Variants in PMEPA1 observed in about 807,000 individuals in gnomAD.
The protein encoded by PMEPA1 is prostate transmembrane protein, androgen induced 1, also known as protein TMEPAI.
In PMEPA1, 11 loss-of-function variants were observed where a neutral mutation model predicts 23.0. The ratio of observed to expected loss-of-function variants is 0.48; its 90% CI spans 0.30 to 0.79. The LOEUF (loss-of-function observed/expected upper bound fraction) is 0.79, where lower values mean the gene tolerates loss of function less well. Among genes scored for constraint, PMEPA1 ranks in the 30% least tolerant of loss-of-function variants. The probability of loss-of-function intolerance (pLI) is 0.06; values close to 1 mark genes in which losing one functional copy is unlikely to be tolerated. For missense variants in PMEPA1, 377 were observed against 390.9 expected, an observed-to-expected ratio of 0.96 and a Z score of 0.30; for synonymous variants, 204 against 166.4, an observed-to-expected ratio of 1.23 and a Z score of -1.74.
At chr20:57,701,046 A>G (rs1427897529) in intron 1 of PMEPA1, among the ~76,000 whole-genome samples, 2 of 151,918 alleles carry the variant, frequency 1.3e-5, no homozygotes, top group Admixed American at 1.3e-4. Context: ...AAAGAAAAGA[A>G]AAGAAAAAAG....
chr20:57,707,362 T>C (rs551781268), intron 1 of PMEPA1, among the ~76,000 whole-genome samples: 1 of 152,348 alleles, frequency 6.6e-6, no homozygotes, highest in East Asian at 1.9e-4. Context: ...TATACCTGCA[T>C]TTTAAAGACT....
chr20:57,662,515 G>A (rs530441405), intron 1 of PMEPA1, among the ~76,000 whole-genome samples: 63 of 152,300 alleles, frequency 4.1e-4, no homozygotes, highest in African/African-American at 1.3e-3. Flanking sequence ...TGGGACACCC[G>A]CATGTTCCTG....
At chr20:57,677,737 G>A (rs1010510587) in intron 1 of PMEPA1, among the ~76,000 whole-genome samples, 4 of 152,080 alleles carry the variant, frequency 2.6e-5, no homozygotes, top group Admixed American at 6.5e-5. Context: ...GAGTGTTCAC[G>A]GCAGCTTTAC....
upstream of PMEPA1, chr20:57,710,658 G>A: frequency 3.7e-6 from 2 of 542,842 alleles, no homozygotes; most frequent in South Asian, 2.6e-5. Flanking sequence ...CGCCCCAGCC[G>A]GCGGGACCTG....
intron 1 of PMEPA1, among the ~76,000 whole-genome samples, chr20:57,688,075 G>A (rs1029575186): frequency 2.3e-4 from 35 of 152,190 alleles, no homozygotes; most frequent in Non-Finnish European, 4.4e-4. Context: ...CCCTCATCTC[G>A]GGACGGCCTC....
At chr20:57,708,338 C>T (rs1278243626) in intron 1 of PMEPA1, among the ~76,000 whole-genome samples, 2 of 152,130 alleles carry the variant, frequency 1.3e-5, no homozygotes, top group Non-Finnish European at 1.5e-5. Context: ...AAAAGGTCCC[C>T]GAAAAGGTGG....
intron 1 of PMEPA1, among the ~76,000 whole-genome samples, chr20:57,671,678 C>T (rs1448392134): frequency 6.6e-6 from 1 of 152,126 alleles, no homozygotes; most frequent in Non-Finnish European, 1.5e-5. Flanking sequence ...GGGATGAGGC[C>T]ATTAAAACTG....
rs141318295 is a variant in PMEPA1 at position 57,656,778 on chromosome 20, A to T, written c.264+2765T>A. On this transcript the variant is annotated intron_variant, in intron 2 of 3. Transcript: ENST00000341744. This position sits in a 1 kb window ranked among gnomAD's most constrained non-coding sequence, Gnocchi z 4.7. The stretch of plus-strand genomic sequence containing the variant: ...CTTGTCTCCATACAGGCAAGAGGGG[A>T]CCCCCAGGGTCACCCTGAAAAGGGG... Among the ~76,000 whole-genome samples the T allele has an allele frequency of 1.1e-3, 169 of 151,830 alleles. 2 individuals are homozygous for T. Among genetic ancestry groups the T allele is most frequent in the African/African-American group, 3.9e-3 (162 of 41,394 alleles).
chr20:57,672,912 C>T (rs551130115), intron 1 of PMEPA1, among the ~76,000 whole-genome samples: 1 of 152,358 alleles, frequency 6.6e-6, no homozygotes. Flanking sequence ...GTTTCCACAT[C>T]TGGAAAAGCG....
rs1600655401 is a variant in PMEPA1, at chr20:57,682,094, C to T, written c.110-22397G>A. ...GGCCTGTTCCATTCACCAGGTCCTC[C>T]CATCTCCAGTGGCACAGGGAAGGAG... On this transcript the variant is annotated intron_variant, in intron 1 of 3. Coordinates refer to ENST00000341744, the MANE Select transcript of PMEPA1 (RefSeq NM_020182.5). The surrounding 1 kb of genome is among the most constrained non-coding windows in gnomAD (Gnocchi z 4.4). 1.3e-5 allele frequency among the ~76,000 whole-genome samples: 2 copies of T among 152,220 alleles called. No homozygotes were observed. The highest frequency in any genetic ancestry group is 1.3e-4 in the Admixed American group (2 of 15,282).
intron 1 of PMEPA1, among the ~76,000 whole-genome samples, chr20:57,686,155 T>C (rs980320867): frequency 6.6e-6 from 1 of 152,170 alleles, no homozygotes; most frequent in Admixed American, 6.5e-5. Flanking sequence ...TGACCTCTCC[T>C]TCAGGTTACA....
At chr20:57,711,081 G>A (rs1482664150), upstream of PMEPA1, 4 of 152,232 alleles carry the variant, frequency 2.6e-5, no homozygotes, top group African/African-American at 7.2e-5. Context: ...GTCACACAGT[G>A]GTGGAGCCTG....
intron 1 of PMEPA1, among the ~76,000 whole-genome samples, chr20:57,675,919 G>A (rs562121637): frequency 6.6e-6 from 1 of 152,306 alleles, no homozygotes; most frequent in South Asian, 2.1e-4. Flanking sequence ...GTGAAAAACA[G>A]ATTCCAAGAA....
chr20:57,682,817 C>T lies in PMEPA1; in HGVS notation c.110-23120G>A, dbSNP rs900953223. Among the ~76,000 whole-genome samples the T allele has an allele frequency of 6.6e-6, 1 of 152,222 alleles. No homozygotes were observed. The highest frequency in any genetic ancestry group is 1.5e-5 in the Non-Finnish European group (1 of 68,036). The stretch of plus-strand genomic sequence containing the variant: ...GCTGGGCTTTCTGCATGAGCAGGCC[C>T]CGCTGAAAAGGAAGGCGGCTCGCCA... On this transcript the variant is annotated intron_variant, in intron 1 of 3. Coordinates refer to ENST00000341744, the MANE Select transcript of PMEPA1 (RefSeq NM_020182.5). This position sits in a 1 kb window ranked among gnomAD's most constrained non-coding sequence, Gnocchi z 4.4.
chr20:57,673,549 C>A (rs1229682991), intron 1 of PMEPA1, among the ~76,000 whole-genome samples: 2 of 152,224 alleles, frequency 1.3e-5, no homozygotes, highest in Non-Finnish European at 2.9e-5. Context: ...TGGTAGACTC[C>A]TCTTTAACCC....
upstream of PMEPA1, chr20:57,710,599 C>G (rs181867175): frequency 5.8e-6 from 5 of 859,004 alleles, no homozygotes; most frequent in Non-Finnish European, 8.9e-6. Flanking sequence ...TAGACACGCC[C>G]GGAAGCCCTT....
Position 57,708,206 on chromosome 20 carries a change from CT to C in PMEPA1, c.109+1267del, listed in dbSNP as rs1197941831. ...AGACACTGCCTTCATTCCACAGCGG[CT>C]GCTTCTCAGCTCCGGGCCCCAGCTA... is the stretch of plus-strand genomic sequence containing the variant. On this transcript the variant is annotated intron_variant, in intron 1 of 3. Transcript: ENST00000341744. 2.0e-5 allele frequency among the ~76,000 whole-genome samples: 3 copies of C among 152,350 alleles called. No individual in the cohort carries two copies. In the East Asian group the frequency reaches 5.8e-4, roughly 29 times the overall value.
chr20:57,691,882 G>A (rs2071887183), intron 1 of PMEPA1: 1 of 152,220 alleles, frequency 6.6e-6, no homozygotes, highest in African/African-American at 2.4e-5. Flanking sequence ...GCAGAGAGGG[G>A]AAACAGAACC....
Position 57,683,554 on chromosome 20 carries a change from C to CGTGTGTGTGTGCGTGTGTGT in PMEPA1, c.110-23858_110-23857insACACACACGCACACACACAC, listed in dbSNP as rs2071752751. On this transcript the variant is annotated intron_variant, in intron 1 of 3. Transcript: ENST00000341744. This position sits in a 1 kb window ranked among gnomAD's most constrained non-coding sequence, Gnocchi z 4.3. ...CGGTGGTGGTGTTCTGGCCTGTGTGCGTGTGTGTGTGTGTGTGTGTGTGTG... is the reference window on the plus strand; with the variant it reads ...CGGTGGTGGTGTTCTGGCCTGTGTGCGTGTGTGTGTGCGTGTGTGTGTGTGTGTGTGTGTGTGTGTGTGTG... Among the ~76,000 whole-genome samples, 1 of 106,310 alleles carries CGTGTGTGTGTGCGTGTGTGT rather than the reference C, an allele frequency of 9.4e-6. No homozygotes were observed. Among genetic ancestry groups the CGTGTGTGTGTGCGTGTGTGT allele is most frequent in the East Asian group, 2.0e-4 (1 of 4,962 alleles). 69.7% of individuals were successfully genotyped at this position (106,310 alleles called of 152,430 possible).
Sources: allele counts gnomAD v4.1 joint callset (sites outside exome capture counted in the v4.1 genomes callset), GRCh38; gene constraint gnomAD v4.1.1; non-coding constraint Gnocchi (gnomAD v3.1); transcripts MANE v1.5; gene names NCBI Gene and HGNC (gene_info 2026-07-23, HGNC 2026-07-21).